Variants in TNR observed in about 807,000 individuals in gnomAD.
TNR encodes the protein tenascin R.
In TNR, 45 loss-of-function variants were observed where a neutral mutation model predicts 150.4. The observed-to-expected ratio is 0.30, with a 90% confidence interval of 0.24 to 0.38. TNR has a LOEUF of 0.38. Ranked by LOEUF, TNR falls within the 10% of genes least tolerant of loss-of-function variation. The pLI is 1.00. For missense variants in TNR, 1,544 were observed against 1,759.1 expected (o/e 0.88, Z 2.19); for synonymous variants, 687 against 678.4 (o/e 1.01, Z -0.20).
chr1:175,379,709 A>T lies in TNR; in HGVS notation c.1806T>A (p.Val602=). Residue 602 remains valine (V), a synonymous_variant, in exon 9 of 23, where the codon GTT becomes GTA. Coordinates refer to ENST00000367674, the MANE Select transcript of TNR (RefSeq NM_003285.3). ...CAAGGCTGGTTGCTGTGCGAGAACC[A>T]ACTCGCAAGTTCTTGGGGGCATCGA... is the stretch of plus-strand genomic sequence containing the variant. The part of the protein sequence containing the change: ...TEIDAPKNLR[V]GSRTATSLDL... 2 of 1,614,202 alleles carry T rather than the reference A, an allele frequency of 1.2e-6. No homozygotes were observed. Among genetic ancestry groups the T allele is most frequent in the Non-Finnish European group, 1.7e-6 (2 of 1,180,030 alleles).
At chr1:175,592,977 A>G (rs192337702) in intron 1 of TNR, among the ~76,000 whole-genome samples, 10 of 152,292 alleles carry the variant, frequency 6.6e-5, no homozygotes, top group Non-Finnish European at 1.3e-4. Flanking sequence ...GTATCTACCT[A>G]CAGTGCTGGA....
At chr1:175,326,316 C>T (rs1442611006) in intron 21 of TNR, among the ~76,000 whole-genome samples, 5 of 152,076 alleles carry the variant, frequency 3.3e-5, no homozygotes, top group Admixed American at 6.6e-5. Context: ...TGAAAGAGGT[C>T]TTGGGTGCTT....
At chr1:175,324,995 C>T (rs1236809161) in intron 21 of TNR, among the ~76,000 whole-genome samples, 1 of 152,102 alleles carries the variant, frequency 6.6e-6, no homozygotes, top group African/African-American at 2.4e-5. Flanking sequence ...AACTTGAGGC[C>T]ACATGGGAAG....
At position 175,406,348 on chromosome 1, in the gene TNR, T is replaced by G; in HGVS notation, c.367A>C (p.Lys123Gln). The change falls in exon 3 of 23, where the codon AAG becomes CAG. Residue 123 changes from lysine (K) to glutamine (Q), a missense_variant. By Grantham distance (53) the Lys-to-Gln change is moderately conservative. This residue lies in a region of TNR where 1,254 missense variants were observed against 1,329.4 expected (regional missense o/e 0.94). Coordinates refer to ENST00000367674, the MANE Select transcript of TNR (RefSeq NM_003285.3). ...GCTGAACTGGCACATGGACAGGCCT[T>G]TTTGGGGAAGTTGATCCTGTGTGTA... The part of the protein sequence containing the change: ...TFTHRINFPK[K>Q]ACPCASSAQV... The G allele has an allele frequency of 6.2e-7, 1 of 1,614,014 alleles. No individual in the cohort carries two copies. Among genetic ancestry groups the G allele is most frequent in the Non-Finnish European group, 8.5e-7 (1 of 1,179,996 alleles).
At chr1:175,659,362 A>T (rs553497786) in intron 1 of TNR, among the ~76,000 whole-genome samples, 1 of 152,230 alleles carries the variant, frequency 6.6e-6, no homozygotes, top group Non-Finnish European at 1.5e-5. Context: ...AAGGATGAAC[A>T]TATCCCTGGA....
intron 2 of TNR, 42 bp from the exon 3 acceptor site, chr1:175,406,819 T>G: frequency 4.1e-6 from 6 of 1,460,312 alleles, no homozygotes; most frequent in Non-Finnish European, 5.6e-6. Flanking sequence ...CTGAGACCTA[T>G]GCCTTGGCAC....
At chr1:175,458,346 T>A (rs529610523) in intron 2 of TNR, among the ~76,000 whole-genome samples, 59 of 152,342 alleles carry the variant, frequency 3.9e-4, no homozygotes, top group African/African-American at 1.4e-3. Context: ...TTGTTCAATA[T>A]ATATATTTGT....
At chr1:175,357,735 C>T (rs1651398869) in intron 15 of TNR, among the ~76,000 whole-genome samples, 1 of 152,174 alleles carries the variant, frequency 6.6e-6, no homozygotes, top group African/African-American at 2.4e-5. Flanking sequence ...GGACATGGCC[C>T]ATGGTGTTCT....
chr1:175,644,297 A>G (rs545548497), intron 1 of TNR, among the ~76,000 whole-genome samples: 1 of 152,336 alleles, frequency 6.6e-6, no homozygotes, highest in East Asian at 1.9e-4. Context: ...TTTATTGCAG[A>G]TCTAATCAGT....
intron 1 of TNR, among the ~76,000 whole-genome samples, chr1:175,716,917 T>C (rs1481308850): frequency 6.6e-6 from 1 of 152,158 alleles, no homozygotes; most frequent in Non-Finnish European, 1.5e-5. Flanking sequence ...TCTCCCTCCA[T>C]AGATGAAAAT....
At chr1:175,373,515 G>C (rs1462634778) in intron 9 of TNR, among the ~76,000 whole-genome samples, 1 of 152,094 alleles carries the variant, frequency 6.6e-6, no homozygotes, top group African/African-American at 2.4e-5. Flanking sequence ...TGCTTTTTTG[G>C]GTGTGCATGA....
chr1:175,455,582 T>C (rs1014632308), intron 2 of TNR, among the ~76,000 whole-genome samples: 2 of 152,156 alleles, frequency 1.3e-5, no homozygotes, highest in East Asian at 1.9e-4. Context: ...CTTTTTAATA[T>C]TTTGAGGATT....
chr1:175,589,151 A>C (rs1662692809), intron 1 of TNR, among the ~76,000 whole-genome samples: 1 of 152,122 alleles, frequency 6.6e-6, no homozygotes, highest in East Asian at 1.9e-4. Flanking sequence ...CTCTCTCTTG[A>C]GATCGAAACC....
chr1:175,573,557 T>C (rs1661974659), intron 1 of TNR, among the ~76,000 whole-genome samples: 1 of 152,230 alleles, frequency 6.6e-6, no homozygotes, highest in African/African-American at 2.4e-5. Flanking sequence ...TGTAAGGAAT[T>C]GCAAGCTATT....
chr1:175,698,386 G>C (rs1435689406), intron 1 of TNR, among the ~76,000 whole-genome samples: 1 of 152,168 alleles, frequency 6.6e-6, no homozygotes, highest in Non-Finnish European at 1.5e-5. Flanking sequence ...ATTCAGCAGT[G>C]GGGAAAGAGG....
At chr1:175,697,411 C>G (rs1331468387) in intron 1 of TNR, among the ~76,000 whole-genome samples, 2 of 151,554 alleles carry the variant, frequency 1.3e-5, no homozygotes, top group African/African-American at 4.9e-5. Context: ...GCATAATCTC[C>G]TCTCATTTTT....
chr1:175,333,243 A>T (rs1021333596), intron 20 of TNR: 3 of 152,220 alleles, frequency 2.0e-5, no homozygotes, highest in Admixed American at 6.5e-5. Flanking sequence ...TGGCAATGCT[A>T]TAACATTTCT....
Position 175,627,671 on chromosome 1 carries a change from G to C in TNR, c.-164-99302C>G, listed in dbSNP as rs148081774. On this transcript the variant is annotated intron_variant, in intron 1 of 22. Coordinates refer to ENST00000367674, the MANE Select transcript of TNR (RefSeq NM_003285.3). ...AATAAATTATAGCTCTAATTGTAAT[G>C]ATCATCATAATTGCCATCCCCCATC... 9.4e-3 allele frequency among the ~76,000 whole-genome samples: 1,425 copies of C among 152,198 alleles called. 22 individuals carry two copies. The highest frequency in any genetic ancestry group is 0.031 in the African/African-American group (1,270 of 41,542).
At chr1:175,383,746 T>C (rs1188742320) in intron 8 of TNR, among the ~76,000 whole-genome samples, 1 of 152,240 alleles carries the variant, frequency 6.6e-6, no homozygotes, top group Non-Finnish European at 1.5e-5. Context: ...GGCCTCATCA[T>C]GAGGGTCTGG....
Sources: allele counts gnomAD v4.1 joint callset (sites outside exome capture counted in the v4.1 genomes callset), GRCh38; gene constraint gnomAD v4.1.1; regional missense constraint gnomAD v4.1.1; transcripts MANE v1.5; gene names NCBI Gene and HGNC (gene_info 2026-07-23, HGNC 2026-07-21).